EPHA6: variants seen among roughly 807,000 people sequenced by gnomAD.
The protein encoded by EPHA6 is ephrin type-A receptor 6.
In EPHA6, 50 loss-of-function variants were observed where a neutral mutation model predicts 112.0. The observed-to-expected ratio is 0.45, with a 90% CI of 0.36 to 0.56. The LOEUF is 0.56. EPHA6 is among the 20% of genes least tolerant of loss of function. The pLI is 0.00. For missense variants in EPHA6, 1,280 were observed against 1,417.4 expected (o/e 0.90, Z 1.56); for synonymous variants, 529 against 490.7 (o/e 1.08, Z -1.03).
At chr3:96,934,984 T>C (rs115752529) in intron 2 of EPHA6, among the ~76,000 whole-genome samples, 2,088 of 151,978 alleles carry the variant, frequency 0.014, 22 homozygotes, top group Non-Finnish European at 0.022. Context: ...ATTTTTTATA[T>C]TAACTTTCAA....
chr3:97,299,161 C>T (rs901791753), intron 5 of EPHA6, among the ~76,000 whole-genome samples: 12 of 149,600 alleles, frequency 8.0e-5, no homozygotes, highest in Non-Finnish European at 1.2e-4. Flanking sequence ...TTTGGCTGGA[C>T]GGTTTTGCAC....
chr3:96,851,069 G>A (rs1031896460), intron 1 of EPHA6, among the ~76,000 whole-genome samples: 2 of 152,110 alleles, frequency 1.3e-5, no homozygotes, highest in African/African-American at 4.8e-5. Context: ...CAGCATGAGT[G>A]CTAATTAAGA....
chr3:97,590,692 A>C lies in EPHA6; in HGVS notation c.2387-1920A>C, dbSNP rs535156847. Among the ~76,000 whole-genome samples the C allele has an allele frequency of 5.9e-5, 9 of 152,304 alleles. No homozygotes were observed. In the South Asian group the frequency reaches 1.9e-3, roughly 32 times the overall value. ...CCTATTACTTGGCTTCAATAAATCC[A>C]TAATCAGCTAAAATTGCATTATTTT... On this transcript the variant is annotated intron_variant, in intron 11 of 17. Coordinates refer to ENST00000389672, the MANE Select transcript of EPHA6 (RefSeq NM_001080448.3).
intron 3 of EPHA6, among the ~76,000 whole-genome samples, chr3:97,138,213 C>T (rs1421013789): frequency 6.6e-6 from 1 of 152,194 alleles, no homozygotes; most frequent in African/African-American, 2.4e-5. Flanking sequence ...TCTAGACTGT[C>T]TGAGGAAGCT....
At chr3:96,981,503 A>G (rs1255693743) in intron 2 of EPHA6, among the ~76,000 whole-genome samples, 1 of 151,728 alleles carries the variant, frequency 6.6e-6, no homozygotes, top group Non-Finnish European at 1.5e-5. Flanking sequence ...ATATTGGTCT[A>G]AAATTCTCTT....
At chr3:96,852,395 C>T (rs2035446713) in intron 1 of EPHA6, among the ~76,000 whole-genome samples, 1 of 151,970 alleles carries the variant, frequency 6.6e-6, no homozygotes, top group Non-Finnish European at 1.5e-5. Flanking sequence ...CACCATTGCA[C>T]TCCAGCCTGG....
intron 13 of EPHA6, among the ~76,000 whole-genome samples, chr3:97,627,160 A>G (rs2093864649): frequency 6.6e-6 from 1 of 151,888 alleles, no homozygotes; most frequent in South Asian, 2.1e-4. Flanking sequence ...CAGCTGATAA[A>G]TCATTTATTC....
At chr3:97,268,348 G>A (rs999451336) in intron 5 of EPHA6, among the ~76,000 whole-genome samples, 1 of 152,138 alleles carries the variant, frequency 6.6e-6, no homozygotes, top group Non-Finnish European at 1.5e-5. Flanking sequence ...TAGGATAAAA[G>A]GTCAACAGAA....
chr3:97,600,325 G>A (rs1010979935), intron 12 of EPHA6, among the ~76,000 whole-genome samples: 2 of 150,296 alleles, frequency 1.3e-5, no homozygotes, highest in Non-Finnish European at 3.0e-5. Context: ...TGGTGAGAGA[G>A]GGCATCCCTG....
chr3:96,975,961 T>C (rs535093234), intron 2 of EPHA6, among the ~76,000 whole-genome samples: 5 of 152,272 alleles, frequency 3.3e-5, no homozygotes, highest in African/African-American at 9.6e-5. Context: ...AGCATACATG[T>C]GATTGAGGAG....
At chr3:96,955,024 C>T (rs185027588) in intron 2 of EPHA6, among the ~76,000 whole-genome samples, 3 of 152,066 alleles carry the variant, frequency 2.0e-5, no homozygotes, top group East Asian at 3.9e-4. Flanking sequence ...TAATGAGCTA[C>T]ATTAACATCT....
chr3:97,624,994 C>T (rs2093843781), intron 13 of EPHA6, among the ~76,000 whole-genome samples: 1 of 151,414 alleles, frequency 6.6e-6, no homozygotes, highest in African/African-American at 2.4e-5. Context: ...TTTGGAAGAA[C>T]CAACTTTTGG....
intron 2 of EPHA6, among the ~76,000 whole-genome samples, chr3:96,942,604 G>T (rs1012229506): frequency 6.6e-6 from 1 of 152,190 alleles, no homozygotes; most frequent in East Asian, 1.9e-4. Flanking sequence ...CTAGCACACG[G>T]TGCGCTGCAC....
chr3:97,027,804 C>T (rs1003522591), intron 3 of EPHA6, among the ~76,000 whole-genome samples: 3 of 152,086 alleles, frequency 2.0e-5, no homozygotes, highest in African/African-American at 4.8e-5. Context: ...CCTTTGTGGC[C>T]GTAACTACTA....
At chr3:97,408,756 CT>C (rs973218028) in intron 6 of EPHA6, among the ~76,000 whole-genome samples, 16 of 152,074 alleles carry the variant, frequency 1.1e-4, no homozygotes, top group African/African-American at 3.4e-4. Flanking sequence ...GGCTCCACCC[CT>C]GATCACCTAA....
chr3:97,735,207 T>C (rs1240554011), intron 15 of EPHA6, among the ~76,000 whole-genome samples: 1 of 152,026 alleles, frequency 6.6e-6, no homozygotes, highest in African/African-American at 2.4e-5. Flanking sequence ...TGTGCTACCA[T>C]GTTGTAGAAA....
In EPHA6 at chr3:97,747,537, T is replaced by C. The variant is rs2035768511; in HGVS notation, c.3243T>C (p.Phe1081=). ...QYKNNFVAAG[F]TTFDLISRMS... ...AGAATAACTTCGTGGCAGCAGGGTT[T>C]ACAACATTTGACCTGATTTCAAGAA... is the stretch of plus-strand genomic sequence containing the variant. Residue 1081 remains phenylalanine (F), a synonymous_variant, in exon 17 of 18, where the codon TTT becomes TTC. Coordinates refer to ENST00000389672, the MANE Select transcript of EPHA6 (RefSeq NM_001080448.3). The C allele has an allele frequency of 6.2e-7, 1 of 1,610,120 alleles. No individual in the cohort carries two copies. Among genetic ancestry groups the C allele is most frequent in the Non-Finnish European group, 8.5e-7 (1 of 1,177,878 alleles).
intron 3 of EPHA6, among the ~76,000 whole-genome samples, chr3:97,084,203 C>A (rs72920212): frequency 0.019 from 2,777 of 148,802 alleles, 92 homozygotes; most frequent in African/African-American, 0.059. Context: ...TCATCCATTG[C>A]AAAATTTCAC....
At position 97,318,001 on chromosome 3, in the gene EPHA6, A is replaced by G. The variant is rs115264295; in HGVS notation, c.1606+73714A>G. Among the ~76,000 whole-genome samples, 333 of 152,156 alleles carry G rather than the reference A, an allele frequency of 2.2e-3. 6 individuals are homozygous for G. Among genetic ancestry groups the G allele is most frequent in the African/African-American group, 7.5e-3 (310 of 41,466 alleles). On this transcript the variant is annotated intron_variant, in intron 5 of 17. Transcript: ENST00000389672. ...TTTTCTGAAAATTACTTCTTCCTGC[A>G]TGCAAAGGACCTAAGAGCCAGAGTA...
Sources: allele counts gnomAD v4.1 joint callset (sites outside exome capture counted in the v4.1 genomes callset), GRCh38; gene constraint gnomAD v4.1.1; transcripts MANE v1.5; gene names NCBI Gene and HGNC (gene_info 2026-07-23, HGNC 2026-07-21).